The following COMMD1 variants were observed in gnomAD, a reference collection of about 807,000 sequenced individuals.
COMMD1 encodes COMM domain-containing protein 1.
In COMMD1, 10 loss-of-function variants were observed where a neutral mutation model predicts 17.2. The ratio of observed to expected loss-of-function variants is 0.58; its 90% CI spans 0.36 to 0.99. The LOEUF is 0.99. Ranked by LOEUF, COMMD1 falls within the 50% of genes least tolerant of loss-of-function variation. The pLI is 0.01. For missense variants in COMMD1, 270 were observed against 231.8 expected, an observed-to-expected ratio of 1.17 and a Z score of -1.07; for synonymous variants, 97 against 91.6, an observed-to-expected ratio of 1.06 and a Z score of -0.34.
intron 2 of COMMD1, among the ~76,000 whole-genome samples, chr2:62,042,042 CCCATTTTACAGAGAGCTGATTGGT>C (rs1479949257): frequency 6.6e-6 from 1 of 152,170 alleles, no homozygotes; most frequent in Non-Finnish European, 1.5e-5. Context: ...TACTGATTGG[CCCATTTTACAGAGAGCTGATTGGT>C]CCATTTTACA....
chr2:61,899,174 C>G (rs1669609496), intron 1 of COMMD1, among the ~76,000 whole-genome samples: 1 of 152,076 alleles, frequency 6.6e-6, no homozygotes, highest in African/African-American at 2.4e-5. Flanking sequence ...AAAATAGGTG[C>G]AAGAAGGGAC....
chr2:62,010,244 A>G (rs1430900827), intron 2 of COMMD1, among the ~76,000 whole-genome samples: 1 of 151,898 alleles, frequency 6.6e-6, no homozygotes, highest in Non-Finnish European at 1.5e-5. Context: ...TCTTTGAAAT[A>G]TTTGTCTTCC....
At chr2:61,936,079 A>G (rs1429671162) in intron 1 of COMMD1, among the ~76,000 whole-genome samples, 2 of 152,154 alleles carry the variant, frequency 1.3e-5, no homozygotes, top group Non-Finnish European at 2.9e-5. Flanking sequence ...TGGCCTCCCA[A>G]AGTGCTGAGA....
At chr2:61,891,692 C>T (rs1028889861) in intron 1 of COMMD1, among the ~76,000 whole-genome samples, 3 of 151,958 alleles carry the variant, frequency 2.0e-5, no homozygotes, top group African/African-American at 4.8e-5. Flanking sequence ...CATGCCACTG[C>T]ACTCCAGCCT....
At chr2:62,003,008 G>A (rs1333635473) in intron 2 of COMMD1, among the ~76,000 whole-genome samples, 2 of 152,068 alleles carry the variant, frequency 1.3e-5, no homozygotes, top group African/African-American at 4.8e-5. Context: ...TGAGGCAGGT[G>A]TATCATCTGA....
At chr2:62,130,819 A>C (rs1380798617) in intron 2 of COMMD1, among the ~76,000 whole-genome samples, 1 of 152,246 alleles carries the variant, frequency 6.6e-6, no homozygotes, top group East Asian at 1.9e-4. Context: ...AATAATACTC[A>C]AAGAGGTTAT....
At chr2:62,051,929 A>C (rs1670547517) in intron 2 of COMMD1, among the ~76,000 whole-genome samples, 2 of 152,212 alleles carry the variant, frequency 1.3e-5, no homozygotes, top group South Asian at 4.1e-4. Flanking sequence ...TCTTTATACA[A>C]ATGGCTCTTC....
At chr2:62,021,295 C>G (rs1200452270) in intron 2 of COMMD1, among the ~76,000 whole-genome samples, 5 of 152,116 alleles carry the variant, frequency 3.3e-5, no homozygotes, top group Non-Finnish European at 7.3e-5. Flanking sequence ...TTCAACTGCT[C>G]TTGAGATATT....
chr2:62,042,404 G>A (rs1670242631), intron 2 of COMMD1, among the ~76,000 whole-genome samples: 1 of 152,212 alleles, frequency 6.6e-6, no homozygotes, highest in Admixed American at 6.5e-5. Flanking sequence ...CAGAAGCCCA[G>A]CCGGCTTTAC....
At chr2:62,031,589 G>A (rs1669908540) in intron 2 of COMMD1, among the ~76,000 whole-genome samples, 1 of 152,262 alleles carries the variant, frequency 6.6e-6, no homozygotes, top group Non-Finnish European at 1.5e-5. Flanking sequence ...TTAAACTGAG[G>A]AGCCAGGGTA....
intron 1 of COMMD1, among the ~76,000 whole-genome samples, chr2:61,907,149 A>T (rs1285615909): frequency 2.0e-5 from 3 of 152,142 alleles, no homozygotes; most frequent in Non-Finnish European, 4.4e-5. Flanking sequence ...CTTTGTTGCC[A>T]GGCTGGAGTG....
chr2:62,037,603 T>C (rs1670076052), intron 2 of COMMD1, among the ~76,000 whole-genome samples: 1 of 152,226 alleles, frequency 6.6e-6, no homozygotes, highest in South Asian at 2.1e-4. Context: ...GAGATAACTT[T>C]TAATGGTTTA....
chr2:62,038,237 G>A (rs1486575839), intron 2 of COMMD1, among the ~76,000 whole-genome samples: 5 of 152,136 alleles, frequency 3.3e-5, no homozygotes, highest in Non-Finnish European at 5.9e-5. Flanking sequence ...GCAGTCAGCC[G>A]AGATGGCGCC....
upstream of COMMD1, among the ~76,000 whole-genome samples, chr2:61,904,548 T>C (rs1483607436): frequency 6.6e-6 from 1 of 152,206 alleles, no homozygotes; most frequent in Non-Finnish European, 1.5e-5. Flanking sequence ...CAGGTGGTTC[T>C]ACATAAAGAT....
At chr2:62,060,727 T>G (rs954930754) in intron 2 of COMMD1, among the ~76,000 whole-genome samples, 22 of 152,196 alleles carry the variant, frequency 1.4e-4, no homozygotes, top group Non-Finnish European at 2.9e-4. Context: ...ATCTTTATTC[T>G]TGATGGATAT....
chr2:61,962,835 T>G (rs1015156645), intron 1 of COMMD1, among the ~76,000 whole-genome samples: 1 of 152,174 alleles, frequency 6.6e-6, no homozygotes, highest in South Asian at 2.1e-4. Context: ...TTATTTTCAC[T>G]GGTCTTGATT....
At chr2:62,001,146 C>A in intron 2 of COMMD1, 164 bp downstream of exon 2, 1 of 709,176 alleles carries the variant, frequency 1.4e-6, no homozygotes, top group Non-Finnish European at 2.4e-6. Flanking sequence ...GATACTCTCA[C>A]TTGTGGACAG....
chr2:61,951,671 A>T (rs1249594956), intron 1 of COMMD1, among the ~76,000 whole-genome samples: 1 of 152,170 alleles, frequency 6.6e-6, no homozygotes, highest in East Asian at 1.9e-4. Flanking sequence ...TAAAGCATAT[A>T]ATTTGATAAA....
At chr2:61,953,315 G>C (rs115942213) in intron 1 of COMMD1, among the ~76,000 whole-genome samples, 1,839 of 149,950 alleles carry the variant, frequency 0.012, 41 homozygotes, top group African/African-American at 0.043. Flanking sequence ...ACCCAGCCTA[G>C]TTTTTATATT....
Sources: allele counts gnomAD v4.1 joint callset (sites outside exome capture counted in the v4.1 genomes callset), GRCh38; gene constraint gnomAD v4.1.1; transcripts MANE v1.5; gene names NCBI Gene and HGNC (gene_info 2026-07-23, HGNC 2026-07-21).